Variants in ZZEF1 observed in about 807,000 individuals in gnomAD.
ZZEF1 encodes zinc finger ZZ-type and EF-hand domain containing 1.
Under a neutral mutation model 342.8 loss-of-function variants are expected in ZZEF1, and 157 were observed. The observed-to-expected ratio is 0.46, with a 90% confidence interval of 0.40 to 0.52. ZZEF1 has a LOEUF of 0.52. Among genes scored for constraint, ZZEF1 ranks in the 20% least tolerant of loss-of-function variants. ZZEF1 has a pLI of 0.00. For synonymous variants in ZZEF1, 1,505 were observed against 1,429.1 expected (o/e 1.05, Z -1.20); for missense variants, 3,480 against 3,725.6 (o/e 0.93, Z 1.72).
chr17:4,079,383 T>A (rs1369855510), intron 18 of ZZEF1, among the ~76,000 whole-genome samples: 1 of 152,060 alleles, frequency 6.6e-6, no homozygotes, highest in Non-Finnish European at 1.5e-5. Context: ...AGAATGTAGA[T>A]GAGCTCCAGA....
chr17:4,109,933 A>G, intron 5 of ZZEF1, 70 bp from the exon 6 acceptor site: 1 of 1,477,406 alleles, frequency 6.8e-7, no homozygotes, highest in Non-Finnish European at 9.4e-7. Flanking sequence ...TCCCAACTAA[A>G]AGCAAAATAG....
intron 6 of ZZEF1, among the ~76,000 whole-genome samples, chr17:4,107,095 T>C (rs2058224795): frequency 1.3e-5 from 2 of 152,334 alleles, no homozygotes; most frequent in Admixed American, 6.5e-5. Context: ...TTTCCACTGA[T>C]ACAGGCAACA....
intron 25 of ZZEF1, among the ~76,000 whole-genome samples, chr17:4,071,928 G>A (rs1032315267): frequency 6.6e-6 from 1 of 152,134 alleles, no homozygotes; most frequent in Non-Finnish European, 1.5e-5. Flanking sequence ...AGGGAAGAAA[G>A]CCTGAATAAA....
Position 4,074,208 on chromosome 17 carries a change from G to A in ZZEF1, c.3627C>T (p.Leu1209=), listed in dbSNP as rs754587284. The change falls in exon 24 of 55, where the codon CTC becomes CTT. Residue 1209 remains leucine, a synonymous_variant. Coordinates refer to ENST00000381638, the MANE Select transcript of ZZEF1 (RefSeq NM_015113.4). ...AVSWGLDLQL[L]VSRLMGRLAS... is the part of the protein sequence containing the mutation. Reference sequence around the variant, plus strand: ...CCAGGCGTCCCATCAGCCGGGAGACGAGGAGCTGTAAATCCAGCCCCCAAG... The same window carrying A: ...CCAGGCGTCCCATCAGCCGGGAGACAAGGAGCTGTAAATCCAGCCCCCAAG... The A allele has an allele frequency of 1.5e-5, 24 of 1,613,982 alleles. No individual in the cohort carries two copies. Among genetic ancestry groups the A allele is most frequent in the African/African-American group, 2.7e-5 (2 of 74,904 alleles).
At position 4,143,014 on chromosome 17, in the gene ZZEF1, G is replaced by GCGGCTTC; in HGVS notation, c.-126_-120dup. On this transcript the variant is annotated 5_prime_UTR_variant, in exon 1 of 55. Transcript: ENST00000381638. Reference sequence around the variant, plus strand: ...CGCGGAGGAGACGACGGCGGCCCCTGCGGCTTCCGGCTTCCTGGCCGTCAA... The same window carrying GCGGCTTC: ...CGCGGAGGAGACGACGGCGGCCCCTGCGGCTTCCGGCTTCCGGCTTCCTGGCCGTCAA... 2 of 1,269,262 alleles carry GCGGCTTC rather than the reference G, an allele frequency of 1.6e-6. No homozygotes were observed. The highest frequency in any genetic ancestry group is 2.0e-6 in the Non-Finnish European group (2 of 1,012,288). The allele number at this position is 1,269,262 out of a possible 1,614,324, so 78.6% of individuals were successfully genotyped here.
chr17:4,034,217 G>A lies in ZZEF1; in HGVS notation c.6382C>T (p.His2128Tyr), dbSNP rs2056611999. 6.2e-7 allele frequency: 1 copy of A among 1,614,200 alleles called. No individual in the cohort carries two copies. The highest frequency in any genetic ancestry group is 8.5e-7 in the Non-Finnish European group (1 of 1,180,044). ...MFQVVISNAG[H>Y]LNETYHLTLG... ...GTGAGATGGTAGGTTTCATTCAGGTGGCCTGCGTTTGAGATGACAACCTGA... is the reference window on the plus strand; with the variant it reads ...GTGAGATGGTAGGTTTCATTCAGGTAGCCTGCGTTTGAGATGACAACCTGA... Residue 2128 changes from histidine to tyrosine, a missense_variant, in exon 40 of 55, where the codon CAC (histidine) becomes TAC (tyrosine). His to Tyr is a moderately conservative substitution (Grantham distance 83, BLOSUM62 2). Transcript: ENST00000381638.
chr17:4,052,209 C>A, intron 34 of ZZEF1, 73 bp from the exon 35 acceptor site: 2 of 1,436,590 alleles, frequency 1.4e-6, no homozygotes, highest in Middle Eastern at 2.4e-4. Flanking sequence ...AAACCCAAAC[C>A]AACCCCAGCA....
intron 37 of ZZEF1, among the ~76,000 whole-genome samples, chr17:4,046,455 G>A (rs2056914792): frequency 6.6e-6 from 1 of 152,202 alleles, no homozygotes; most frequent in South Asian, 2.1e-4. Flanking sequence ...GTCTGAGAAG[G>A]CCAAACGTTG....
rs1460474093 is a variant in ZZEF1 at position 4,005,318 on chromosome 17, C to G, written c.*1572G>C. On this transcript the variant is annotated 3_prime_UTR_variant, in exon 55 of 55. Transcript: ENST00000381638. ...AGGGTTTCTACGGAGCCAGCAGCAC[C>G]TGCCTATTCAGGTCCCAAGCCACAG... is the stretch of plus-strand genomic sequence containing the variant. 6.6e-6 allele frequency: 1 copy of G among 152,506 alleles called. No homozygotes were observed. Among genetic ancestry groups the G allele is most frequent in the East Asian group, 1.9e-4 (1 of 5,200 alleles). 9.4% of individuals were successfully genotyped at this position (152,506 alleles called of 1,614,324 possible).
Position 4,090,705 on chromosome 17 carries a change from G to A in ZZEF1, c.2025+14C>T, listed in dbSNP as rs114366178. ...AAAAGGAGGGGAGTGGGCAAACGAC[G>A]CACTAATGCTTACTTTGGCAACTCT... On this transcript the variant is annotated intron_variant, in intron 12 of 54. Coordinates refer to ENST00000381638, the MANE Select transcript of ZZEF1 (RefSeq NM_015113.4). 1,492 of 1,601,644 alleles carry A rather than the reference G, an allele frequency of 9.3e-4. 11 individuals are homozygous for A. In the African/African-American group the frequency reaches 0.018, roughly 19 times the overall value.
At chr17:4,022,593 C>T in intron 44 of ZZEF1, 116 bp downstream of exon 44, 4 of 1,449,852 alleles carry the variant, frequency 2.8e-6, no homozygotes, top group Non-Finnish European at 3.8e-6. Context: ...GTTTTCAACA[C>T]TGTACTAAAG....
At chr17:4,025,999 C>A (rs1257498348) in intron 42 of ZZEF1, among the ~76,000 whole-genome samples, 1 of 152,100 alleles carries the variant, frequency 6.6e-6, no homozygotes, top group Non-Finnish European at 1.5e-5. Context: ...GAGGTCAAGG[C>A]TGCTAGAATG....
rs752341282 is a variant in ZZEF1, at chr17:4,116,985, T to C, written c.681A>G (p.Val227=). ...ACACACACATACCCTTTTCCTTTTG[T>C]ACCAGCTGATCCAGAGACTCCTTCA... is the stretch of plus-strand genomic sequence containing the variant. ...SVLKESLDQL[V]QKEKESPGDL... Residue 227 remains valine (V), a synonymous_variant, in exon 3 of 55, where the codon GTA becomes GTG. Transcript: ENST00000381638. The C allele has an allele frequency of 1.2e-5, 19 of 1,609,358 alleles. No individual in the cohort carries two copies. In the African/African-American group the frequency reaches 1.5e-4, roughly 12 times the overall value.
At chr17:4,098,962 T>C (rs559395426) in intron 9 of ZZEF1, among the ~76,000 whole-genome samples, 23 of 152,216 alleles carry the variant, frequency 1.5e-4, no homozygotes, top group Non-Finnish European at 2.9e-4. Context: ...GATGTCTCTA[T>C]GTAAAAGAAA....
chr17:4,125,421 T>C (rs1373160616), intron 1 of ZZEF1, among the ~76,000 whole-genome samples: 2 of 152,174 alleles, frequency 1.3e-5, no homozygotes, highest in African/African-American at 2.4e-5. Context: ...CTCTGAACAA[T>C]GCAGTGTTTA....
chr17:4,051,167 C>G, intron 35 of ZZEF1, 124 bp from the exon 36 acceptor site: 2 of 1,272,592 alleles, frequency 1.6e-6, no homozygotes, highest in Non-Finnish European at 2.2e-6. Flanking sequence ...CTAGGATGCG[C>G]TTACTGAAAA....
intron 54 of ZZEF1, 24 bp from the exon 55 acceptor site, chr17:4,006,994 G>A (rs111745677): frequency 4.5e-6 from 7 of 1,556,354 alleles, no homozygotes; most frequent in South Asian, 2.4e-5. Flanking sequence ...AAGAGTTGTC[G>A]CCAATGTCGG....
chr17:4,006,554 T>C lies in ZZEF1; in HGVS notation c.*336A>G. 1 of 345,330 alleles carries C rather than the reference T, an allele frequency of 2.9e-6. No homozygotes were observed. The allele number at this position is 345,330 out of a possible 1,614,324, so 21.4% of individuals were successfully genotyped here. A position where few individuals can be genotyped will look rare whatever the true frequency, so the allele number is the denominator to read the frequency against. ...CAGCTCCACGGAGACAGAAACCAGT[T>C]GAGAGAGGCCGCTTCCAAGTCTTCC... On this transcript the variant is annotated 3_prime_UTR_variant, in exon 55 of 55. Transcript: ENST00000381638.
chr17:4,084,777 G>C (rs960834490), intron 16 of ZZEF1, among the ~76,000 whole-genome samples: 1 of 152,200 alleles, frequency 6.6e-6, no homozygotes, highest in African/African-American at 2.4e-5. Flanking sequence ...GGAACACGAA[G>C]AAGTGGTCTA....
Sources: allele counts gnomAD v4.1 joint callset (sites outside exome capture counted in the v4.1 genomes callset), GRCh38; gene constraint gnomAD v4.1.1; transcripts MANE v1.5; gene names NCBI Gene and HGNC (gene_info 2026-07-23, HGNC 2026-07-21).